EARS2: variants seen among roughly 807,000 people sequenced by gnomAD.
EARS2 encodes the protein nondiscriminating glutamyl-tRNA synthetase EARS2, mitochondrial.
Under a neutral mutation model 54.1 loss-of-function variants are expected in EARS2, and 50 were observed. That is an observed-to-expected ratio of 0.92 (90% CI 0.74 to 1.17). The LOEUF (loss-of-function observed/expected upper bound fraction) is 1.17, where lower values mean the gene tolerates loss of function less well. Among genes scored for constraint, EARS2 ranks in the 50% most tolerant of loss-of-function variants. The probability of loss-of-function intolerance (pLI) is 0.00; values close to 1 mark genes in which losing one functional copy is unlikely to be tolerated. For missense variants in EARS2, 673 were observed against 675.0 expected, an observed-to-expected ratio of 1.00 and a Z score of 0.03; for synonymous variants, 298 against 281.0, an observed-to-expected ratio of 1.06 and a Z score of -0.61.
chr16:23,525,705 T>C (rs891591075), intron 7 of EARS2, among the ~76,000 whole-genome samples: 1 of 152,072 alleles, frequency 6.6e-6, no homozygotes, highest in Non-Finnish European at 1.5e-5. Context: ...GGGAGAATAA[T>C]AGTATCTGAG....
Position 23,533,285 on chromosome 16 carries a change from T to C in EARS2, c.959-520A>G, listed in dbSNP as rs1965356841. On this transcript the variant is annotated intron_variant, in intron 4 of 8. Coordinates refer to ENST00000449606, the MANE Select transcript of EARS2 (RefSeq NM_001083614.2). ...GGCAACAGAGCGAGACTCTATCAAATAAATACATCATACACACATACATAC... is the reference window on the plus strand; with the variant it reads ...GGCAACAGAGCGAGACTCTATCAAACAAATACATCATACACACATACATAC... 2.6e-5 allele frequency among the ~76,000 whole-genome samples: 4 copies of C among 152,094 alleles called. No individual in the cohort carries two copies. The South Asian group carries it at 8.3e-4, about 32-fold the overall frequency.
chr16:23,543,497 T>C (rs1442516915), intron 3 of EARS2, among the ~76,000 whole-genome samples: 1 of 150,868 alleles, frequency 6.6e-6, no homozygotes, highest in Non-Finnish European at 1.5e-5. Context: ...CCTATAATCC[T>C]AACACTTTGG....
intron 6 of EARS2, 21 bp downstream of exon 6, chr16:23,529,723 C>T (rs1965291501): frequency 6.2e-7 from 1 of 1,613,812 alleles, no homozygotes; most frequent in Non-Finnish European, 8.5e-7. Flanking sequence ...CCCTCAGCTT[C>T]CCAGAATCCT....
rs1235250494 is a variant in EARS2, at chr16:23,523,320, G to T, written c.*1051C>A. 1 of 152,156 alleles carries T rather than the reference G, an allele frequency of 6.6e-6. No homozygotes were observed. Among genetic ancestry groups the T allele is most frequent in the Non-Finnish European group, 1.5e-5 (1 of 68,046 alleles). 9.4% of individuals were successfully genotyped at this position (152,156 alleles called of 1,614,324 possible). A position where few individuals can be genotyped will look rare whatever the true frequency, so the allele number is the denominator to read the frequency against. On this transcript the variant is annotated 3_prime_UTR_variant, in exon 9 of 9. Transcript: ENST00000449606. ...CATTTCAGAAACCAGCAGAGATGAT[G>T]ACTTATAAGTCATGGAGGAAGGACG...
intron 7 of EARS2, among the ~76,000 whole-genome samples, chr16:23,527,558 T>C (rs1462424786): frequency 1.4e-5 from 2 of 144,130 alleles, no homozygotes; most frequent in Non-Finnish European, 3.0e-5. Flanking sequence ...TTCTTTTTTT[T>C]TTTTTTTTTT....
intron 7 of EARS2, among the ~76,000 whole-genome samples, chr16:23,528,850 T>C (rs1205046936): frequency 6.6e-6 from 1 of 152,216 alleles, no homozygotes; most frequent in Non-Finnish European, 1.5e-5. Context: ...TGCTACATAA[T>C]GGAGAAATGT....
Position 23,535,162 on chromosome 16 carries a change from G to A in EARS2, c.684C>T (p.Tyr228=), listed in dbSNP as rs1445826036. 6.2e-7 allele frequency: 1 copy of A among 1,613,692 alleles called. No individual in the cohort carries two copies. Among genetic ancestry groups the A allele is most frequent in the Non-Finnish European group, 8.5e-7 (1 of 1,179,968 alleles). Residue 228 remains tyrosine, a synonymous_variant, in exon 4 of 9, where the codon TAC becomes TAT. Coordinates refer to ENST00000449606, the MANE Select transcript of EARS2 (RefSeq NM_001083614.2). ...VIMKSDGFPT[Y]HLACVVDDHH... ...GGTCGTCCACCACGCAGGCCAGGTG[G>A]TATGTGGGGAAGCCGTCGCTCTTCA...
At chr16:23,530,764 T>C (rs1337783386) in intron 5 of EARS2, among the ~76,000 whole-genome samples, 4 of 152,076 alleles carry the variant, frequency 2.6e-5, no homozygotes, top group African/African-American at 4.8e-5. Context: ...TAGACTCAGC[T>C]GGTCTGGAGG....
At chr16:23,528,652 G>A (rs1476426764) in intron 7 of EARS2, among the ~76,000 whole-genome samples, 1 of 152,238 alleles carries the variant, frequency 6.6e-6, no homozygotes, top group Non-Finnish European at 1.5e-5. Context: ...TGTAATCCCA[G>A]CACTCTGTGA....
At chr16:23,541,184 G>A (rs898080763) in intron 3 of EARS2, among the ~76,000 whole-genome samples, 2 of 151,586 alleles carry the variant, frequency 1.3e-5, no homozygotes, top group African/African-American at 4.8e-5. Flanking sequence ...AAAATTAGCA[G>A]GGTGTGGTGG....
At chr16:23,528,990 G>C (rs775976907) in intron 7 of EARS2, among the ~76,000 whole-genome samples, 19 of 152,338 alleles carry the variant, frequency 1.2e-4, no homozygotes, top group Middle Eastern at 3.4e-3. Context: ...GGGAAAGGCA[G>C]AGAGCGAAAG....
At chr16:23,556,082 C>A (rs917818102) in intron 1 of EARS2, among the ~76,000 whole-genome samples, 33 of 152,198 alleles carry the variant, frequency 2.2e-4, no homozygotes, top group African/African-American at 7.7e-4. Context: ...TTGAAAGGCA[C>A]TGCTCTAGGC....
rs766013980 is a variant in EARS2, at chr16:23,520,940, TACC to T, written c.*3428_*3430del. ...CCAAGTAGCTGGGATTATAGGTATG[TACC>T]ACCACACCTGGCTAATTTTTGTACT... On this transcript the variant is annotated 3_prime_UTR_variant, in exon 9 of 9. Coordinates refer to ENST00000449606, the MANE Select transcript of EARS2 (RefSeq NM_001083614.2). Among the ~76,000 whole-genome samples, 4 of 152,062 alleles carry T rather than the reference TACC, an allele frequency of 2.6e-5. No homozygotes were observed. The highest frequency in any genetic ancestry group is 4.4e-5 in the Non-Finnish European group (3 of 68,016).
In EARS2 at chr16:23,552,203, T is replaced by TCTGATCTGTGTCCTCTAGC; in HGVS notation, c.222_240dup (p.Thr81AlafsTer18). 1 of 1,614,026 alleles carries TCTGATCTGTGTCCTCTAGC rather than the reference T, an allele frequency of 6.2e-7. No homozygotes were observed. Among genetic ancestry groups the TCTGATCTGTGTCCTCTAGC allele is most frequent in the Non-Finnish European group, 8.5e-7 (1 of 1,180,016 alleles). ...TCCGCTGCCCCAGGCACAACGCGAG[T>TCTGATCTGTGTCCTCTAGC]CTGATCTGTGTCCTCTAGCCTCAGG... On this transcript the variant is annotated frameshift_variant, in exon 2 of 9. Coordinates refer to ENST00000449606, the MANE Select transcript of EARS2 (RefSeq NM_001083614.2). LOFTEE classifies it high-confidence loss of function.
intron 1 of EARS2, chr16:23,556,990 TG>T: frequency 1.3e-6 from 1 of 752,590 alleles, no homozygotes; most frequent in East Asian, 2.7e-5. Flanking sequence ...TCGAAAGAGA[TG>T]GGATGGCACA....
chr16:23,529,491 C>T lies in EARS2; in HGVS notation c.1352+11G>A, dbSNP rs777055582. ...GGTGTGGAACCCTGAGCTCAGCCTG[C>T]GGGTACTCACCCCAGCACACGCTTG... On this transcript the variant is annotated intron_variant, in intron 7 of 8. Coordinates refer to ENST00000449606, the MANE Select transcript of EARS2 (RefSeq NM_001083614.2). 1.9e-5 allele frequency: 30 copies of T among 1,611,980 alleles called. No homozygotes were observed. In the Admixed American group the frequency reaches 2.3e-4, roughly 13 times the overall value.
In EARS2 at chr16:23,542,321, T is replaced by TC. The variant is rs1262618584; in HGVS notation, c.485+2192_485+2193insG. 7.3e-5 allele frequency among the ~76,000 whole-genome samples: 9 copies of TC among 123,098 alleles called. 1 individual carries two copies. The highest frequency in any genetic ancestry group is 2.4e-4 in the African/African-American group (6 of 25,464). 80.8% of individuals were successfully genotyped at this position (123,098 alleles called of 152,430 possible). ...TTTGTGGACCTTTCATTTTTCTTTT[T>TC]TTTTTTTTTTTTTTTTGAGACAGTG... On this transcript the variant is annotated intron_variant, in intron 3 of 8. Transcript: ENST00000449606.
chr16:23,557,273 C>T lies in EARS2; in HGVS notation c.71G>A (p.Arg24Gln). The T allele has an allele frequency of 4.6e-6, 7 of 1,519,988 alleles. No individual in the cohort carries two copies. The highest frequency in any genetic ancestry group is 5.2e-6 in the Non-Finnish European group (6 of 1,145,168). The allele number at this position is 1,519,988 out of a possible 1,614,324, so 94.2% of individuals were successfully genotyped here. ...PSAASGRPVGRREANLGTDAG... is the reference protein window; with the variant it reads ...PSAASGRPVGQREANLGTDAG... Reference sequence around the variant, plus strand: ...ATCAGTGCCCAGGTTGGCCTCGCGCCGTCCTACGGGGCGGCCAGAGGCCGC... The same window carrying T: ...ATCAGTGCCCAGGTTGGCCTCGCGCTGTCCTACGGGGCGGCCAGAGGCCGC... The change falls in exon 1 of 9, where the codon CGG (arginine) becomes CAG (glutamine). Residue 24 changes from arginine to glutamine, a missense_variant. Physicochemically the swap from Arg to Gln is conservative, Grantham distance 43. This residue lies in a region of EARS2 where 316 missense variants were observed against 275.2 expected (regional missense o/e 1.15). Transcript: ENST00000449606.
At chr16:23,525,094 A>G (rs767729191) in intron 8 of EARS2, 150 bp downstream of exon 8, 1 of 987,664 alleles carries the variant, frequency 1.0e-6, no homozygotes, top group South Asian at 1.4e-5. Context: ...GGTACTCAAT[A>G]GTGTCTGTTG....
Sources: allele counts gnomAD v4.1 joint callset (sites outside exome capture counted in the v4.1 genomes callset), GRCh38; gene constraint gnomAD v4.1.1; regional missense constraint gnomAD v4.1.1; transcripts MANE v1.5; gene names NCBI Gene and HGNC (gene_info 2026-07-23, HGNC 2026-07-21).